VPS37A: variants seen among roughly 807,000 people sequenced by gnomAD.
VPS37A encodes VPS37A subunit of ESCRT-I.
VPS37A carries 30 observed loss-of-function variants against 49.8 expected under a neutral mutation model. The observed-to-expected ratio is 0.60, with a 90% confidence interval of 0.45 to 0.82. The LOEUF (loss-of-function observed/expected upper bound fraction) is 0.82, where lower values mean the gene tolerates loss of function less well. VPS37A is among the 40% of genes least tolerant of loss of function. The pLI, the probability that VPS37A is intolerant of heterozygous loss-of-function variation, is 0.00. For synonymous variants in VPS37A, 195 were observed against 160.6 expected, an observed-to-expected ratio of 1.21 and a Z score of -1.62; for missense variants, 593 against 464.4, an observed-to-expected ratio of 1.28 and a Z score of -2.55.
chr8:17,299,908 C>G (rs779246970), downstream of VPS37A: 1 of 1,614,158 alleles, frequency 6.2e-7, no homozygotes, highest in Non-Finnish European at 8.5e-7. Flanking sequence ...GTCCTTGCCA[C>G]TATCTTCACT....
chr8:17,297,112 AAAATG>A lies in VPS37A; in HGVS notation c.*2132_*2136del, dbSNP rs1258779750. 2.0e-5 allele frequency: 3 copies of A among 152,216 alleles called. No homozygotes were observed. Among genetic ancestry groups the A allele is most frequent in the Non-Finnish European group, 4.4e-5 (3 of 68,014 alleles). The allele number at this position is 152,216 out of a possible 1,614,324, so 9.4% of individuals were successfully genotyped here. On this transcript the variant is annotated 3_prime_UTR_variant, in exon 12 of 12. Transcript: ENST00000324849. ...ACATCGGAGAAGCAGTGCCACAGGA[AAAATG>A]AAATGCATGTGAAAGTTTGTATTCT... is the stretch of plus-strand genomic sequence containing the variant.
Position 17,274,728 on chromosome 8 carries a change from T to A in VPS37A, c.417-5T>A. ...AATGTAATGATCTTCTCTTTTTCTTTTCAGTCTATACAGTAACCCAAGTGG... is the reference window on the plus strand; with the variant it reads ...AATGTAATGATCTTCTCTTTTTCTTATCAGTCTATACAGTAACCCAAGTGG... On this transcript the variant is annotated splice_polypyrimidine_tract_variant and splice_region_variant and intron_variant, in intron 4 of 11. Transcript: ENST00000324849. The A allele has an allele frequency of 6.2e-7, 1 of 1,605,278 alleles. No homozygotes were observed. The highest frequency in any genetic ancestry group is 2.2e-5 in the East Asian group (1 of 44,824).
chr8:17,296,683 T>C lies in VPS37A; in HGVS notation c.*1697T>C, dbSNP rs1179197969. On this transcript the variant is annotated 3_prime_UTR_variant, in exon 12 of 12. Transcript: ENST00000324849. ...GGAATAAGGCATTGTGGAAATACTA[T>C]ACAAAGATAAACATTGTTTAGATGC... 6.6e-6 allele frequency: 1 copy of C among 152,156 alleles called. No individual in the cohort carries two copies. Among genetic ancestry groups the C allele is most frequent in the Non-Finnish European group, 1.5e-5 (1 of 68,020 alleles). The allele number at this position is 152,156 out of a possible 1,614,324, so 9.4% of individuals were successfully genotyped here. A position where few individuals can be genotyped will look rare whatever the true frequency, so the allele number is the denominator to read the frequency against.
downstream of VPS37A, among the ~76,000 whole-genome samples, chr8:17,301,010 C>T (rs1242045826): frequency 6.6e-6 from 1 of 152,186 alleles, no homozygotes; most frequent in African/African-American, 2.4e-5. Context: ...GATTTTGTTT[C>T]CCCATTCATC....
chr8:17,255,708 G>A (rs2150352984), intron 1 of VPS37A, among the ~76,000 whole-genome samples: 1 of 152,090 alleles, frequency 6.6e-6, no homozygotes, highest in Admixed American at 6.5e-5. Flanking sequence ...TTCCCCTCCT[G>A]TTTACCCTTC....
At position 17,268,360 on chromosome 8, in the gene VPS37A, A is replaced by G. The variant is rs759450791; in HGVS notation, c.303A>G (p.Pro101=). 1.7e-5 allele frequency: 27 copies of G among 1,603,534 alleles called. No homozygotes were observed. In the Admixed American group the frequency reaches 3.2e-4, roughly 19 times the overall value. The change falls in exon 3 of 12, where the codon CCA becomes CCG. Residue 101 remains proline (P), a synonymous_variant. Transcript: ENST00000324849. Reference sequence around the variant, plus strand: ...AACAAGGAGTGTATGTTACCTCTCCATTAGTAAACAATGTATGTATATGGG... The same window carrying G: ...AACAAGGAGTGTATGTTACCTCTCCGTTAGTAAACAATGTATGTATATGGG... The part of the protein sequence containing the change: ...MDKQGVYVTS[P]LVNNFTMHSD...
chr8:17,274,307 T>C (rs544684706), intron 4 of VPS37A, among the ~76,000 whole-genome samples: 1 of 152,266 alleles, frequency 6.6e-6, no homozygotes, highest in Non-Finnish European at 1.5e-5. Context: ...GTCTTGACTT[T>C]CAGTCAGATT....
downstream of VPS37A, chr8:17,304,629 T>TA (rs1179468228): frequency 5.3e-6 from 6 of 1,128,344 alleles, no homozygotes; most frequent in African/African-American, 9.3e-5. Flanking sequence ...GAAAACCACG[T>TA]GTCTGTTCGA....
At chr8:17,274,694 A>G (rs775663469) in intron 4 of VPS37A, 39 bp from the exon 5 acceptor site, 3 of 1,531,180 alleles carry the variant, frequency 2.0e-6, no homozygotes, top group Non-Finnish European at 1.8e-6. Flanking sequence ...TGTTTTATCC[A>G]TAAAATCTAA....
At chr8:17,310,975 T>C in the VPS37A span, among the ~76,000 whole-genome samples, 2 of 152,168 alleles carry the variant, frequency 1.3e-5, no homozygotes, top group African/African-American at 4.8e-5. Flanking sequence ...GCTCAAACTC[T>C]ACAGGATATA....
intron 6 of VPS37A, among the ~76,000 whole-genome samples, chr8:17,277,934 G>T (rs1018233808): frequency 2.0e-5 from 3 of 148,420 alleles, no homozygotes; most frequent in Non-Finnish European, 4.5e-5. Flanking sequence ...ACATATGTTC[G>T]TATACATGTA....
rs1224192640 is a variant in VPS37A, at chr8:17,297,026, G to A, written c.*2040G>A. 2.0e-5 allele frequency: 3 copies of A among 152,138 alleles called. No homozygotes were observed. Among genetic ancestry groups the A allele is most frequent in the African/African-American group, 7.2e-5 (3 of 41,438 alleles). The allele number at this position is 152,138 out of a possible 1,614,324, so 9.4% of individuals were successfully genotyped here. On this transcript the variant is annotated 3_prime_UTR_variant, in exon 12 of 12. Coordinates refer to ENST00000324849, the MANE Select transcript of VPS37A (RefSeq NM_152415.3). Reference sequence around the variant, plus strand: ...GAATGTGGGTTCTGTTTTTGCAACAGAGATTAAGTGACCATTTTTTCTAAT... The same window carrying A: ...GAATGTGGGTTCTGTTTTTGCAACAAAGATTAAGTGACCATTTTTTCTAAT...
intron 1 of VPS37A, among the ~76,000 whole-genome samples, chr8:17,259,745 G>C (rs1277991784): frequency 6.6e-6 from 1 of 151,952 alleles, no homozygotes; most frequent in Non-Finnish European, 1.5e-5. Context: ...ATGTACTTTG[G>C]AGCTCTGGTT....
At chr8:17,284,639 G>A (rs373226571) in intron 10 of VPS37A, 23 bp downstream of exon 10, 4 of 1,566,550 alleles carry the variant, frequency 2.6e-6, no homozygotes, top group Non-Finnish European at 3.4e-6. Context: ...CGTCAGTTGA[G>A]GACAAGTATT....
chr8:17,313,443 C>G, the VPS37A span: 2 of 1,283,774 alleles, frequency 1.6e-6, no homozygotes, highest in Non-Finnish European at 2.2e-6. Context: ...TTAAGGTACT[C>G]TCTCATTTTA....
In VPS37A at chr8:17,273,504, C is replaced by G. The variant is rs868610005; in HGVS notation, c.417-1229C>G. Among the ~76,000 whole-genome samples the G allele has an allele frequency of 3.7e-4, 57 of 152,084 alleles. 1 individual carries two copies. Among genetic ancestry groups the G allele is most frequent in the African/African-American group, 1.3e-3 (52 of 41,490 alleles). ...GCCTCAGCCTCCCGAGTAGCTGGGA[C>G]TACAGGCGCCCACCACTACGCCCAG... On this transcript the variant is annotated intron_variant, in intron 4 of 11. Coordinates refer to ENST00000324849, the MANE Select transcript of VPS37A (RefSeq NM_152415.3).
chr8:17,268,785 A>T, intron 3 of VPS37A, 71 bp from the exon 4 acceptor site: 1 of 1,010,114 alleles, frequency 9.9e-7, no homozygotes, highest in Non-Finnish European at 1.5e-6. Context: ...ATTTAGAGTG[A>T]CATTATCCTA....
chr8:17,305,839 A>C (rs753064902), downstream of VPS37A: 3 of 1,613,726 alleles, frequency 1.9e-6, no homozygotes, highest in South Asian at 2.2e-5. Flanking sequence ...ATGTGAATCA[A>C]AAACCTCTCA....
intron 1 of VPS37A, among the ~76,000 whole-genome samples, chr8:17,254,182 T>C (rs753015731): frequency 5.3e-5 from 8 of 152,196 alleles, no homozygotes; most frequent in Admixed American, 2.0e-4. Flanking sequence ...TGTTTGTGAA[T>C]ACTTACTGTT....
Sources: allele counts gnomAD v4.1 joint callset (sites outside exome capture counted in the v4.1 genomes callset), GRCh38; gene constraint gnomAD v4.1.1; transcripts MANE v1.5; gene names NCBI Gene and HGNC (gene_info 2026-07-23, HGNC 2026-07-21).